The following NECAB1 variants were observed in gnomAD, a reference collection of about 807,000 sequenced individuals.
NECAB1 encodes the protein N-terminal EF-hand calcium binding protein 1.
Under a neutral mutation model 57.5 loss-of-function variants are expected in NECAB1, and 29 were observed. The ratio of observed to expected loss-of-function variants is 0.50; its 90% CI spans 0.38 to 0.69. The LOEUF is 0.69. Among genes scored for constraint, NECAB1 ranks in the 30% least tolerant of loss-of-function variants. The pLI is 0.00. For synonymous variants in NECAB1, 142 were observed against 147.7 expected (o/e 0.96, Z 0.28); for missense variants, 372 against 413.8 (o/e 0.90, Z 0.88).
At chr8:90,942,117 C>A (rs1810683846) in intron 10 of NECAB1, among the ~76,000 whole-genome samples, 1 of 152,148 alleles carries the variant, frequency 6.6e-6, no homozygotes. Context: ...AAGTCTGGCT[C>A]TGGAAATAAA....
chr8:90,954,708 TG>T (rs1810986848), intron 12 of NECAB1, among the ~76,000 whole-genome samples: 1 of 151,452 alleles, frequency 6.6e-6, no homozygotes, highest in African/African-American at 2.4e-5. Flanking sequence ...ATAACCTACT[TG>T]CTTATACCCA....
chr8:90,827,045 A>G (rs776868900), intron 3 of NECAB1, among the ~76,000 whole-genome samples: 2 of 151,998 alleles, frequency 1.3e-5, no homozygotes, highest in African/African-American at 2.4e-5. Context: ...TATCAGTGTC[A>G]GTCTTTGATC....
chr8:90,822,408 A>C (rs1586041263), intron 2 of NECAB1, among the ~76,000 whole-genome samples: 1 of 151,872 alleles, frequency 6.6e-6, no homozygotes, highest in East Asian at 1.9e-4. Context: ...AAGTGTGGCC[A>C]CCTAAAGTGA....
chr8:90,879,788 G>T (rs756783572), intron 4 of NECAB1, among the ~76,000 whole-genome samples: 13 of 152,140 alleles, frequency 8.5e-5, no homozygotes, highest in Non-Finnish European at 1.9e-4. Context: ...TTTGAAGCAG[G>T]TATTTAAGGA....
intron 6 of NECAB1, among the ~76,000 whole-genome samples, chr8:90,922,111 G>T (rs1810128358): frequency 6.6e-6 from 1 of 152,202 alleles, no homozygotes; most frequent in Admixed American, 6.5e-5. Flanking sequence ...CTAATGACAA[G>T]AATAATAAGT....
At chr8:90,937,639 A>G (rs536190434) in intron 9 of NECAB1, among the ~76,000 whole-genome samples, 192 of 152,326 alleles carry the variant, frequency 1.3e-3, no homozygotes, top group Non-Finnish European at 2.2e-3. Flanking sequence ...CTGGAGTAAG[A>G]TGATCATTTT....
chr8:90,806,208 G>A (rs1193359418), intron 2 of NECAB1, among the ~76,000 whole-genome samples: 1 of 152,122 alleles, frequency 6.6e-6, no homozygotes, highest in Admixed American at 6.5e-5. Context: ...TGGCACAATT[G>A]ATCCCTGTTT....
chr8:90,885,658 TA>T (rs2129909784), intron 5 of NECAB1, among the ~76,000 whole-genome samples: 2 of 152,330 alleles, frequency 1.3e-5, no homozygotes, highest in African/African-American at 4.8e-5. Context: ...ATCAATATCC[TA>T]AAGATAATGA....
intron 5 of NECAB1, among the ~76,000 whole-genome samples, chr8:90,906,205 G>A (rs1307172593): frequency 1.3e-5 from 2 of 152,112 alleles, no homozygotes; most frequent in Non-Finnish European, 2.9e-5. Flanking sequence ...CAGAACTGAG[G>A]TGAGTTAATC....
chr8:90,817,452 A>C (rs1196207421), intron 2 of NECAB1, among the ~76,000 whole-genome samples: 1 of 116,928 alleles, frequency 8.6e-6, no homozygotes, highest in Non-Finnish European at 1.6e-5. Flanking sequence ...TGTCAGCTAT[A>C]GATTTTTTTT....
chr8:90,928,200 C>G (rs1278669095), intron 7 of NECAB1, 23 bp from the exon 8 acceptor site: 2 of 1,566,496 alleles, frequency 1.3e-6, no homozygotes, highest in South Asian at 2.2e-5. Flanking sequence ...ACATATTGCC[C>G]TCATGATTCC....
chr8:90,955,142 A>ATG (rs1811007711), intron 12 of NECAB1, among the ~76,000 whole-genome samples: 1 of 127,202 alleles, frequency 7.9e-6, no homozygotes, highest in South Asian at 2.3e-4. Flanking sequence ...ATATATATAT[A>ATG]TATATATGGC....
At chr8:90,836,852 A>T (rs1283975810) in intron 3 of NECAB1, among the ~76,000 whole-genome samples, 1 of 152,232 alleles carries the variant, frequency 6.6e-6, no homozygotes, top group Admixed American at 6.5e-5. Flanking sequence ...TATGGGATGC[A>T]GACATACTGA....
intron 2 of NECAB1, among the ~76,000 whole-genome samples, chr8:90,817,713 A>G (rs1812081268): frequency 6.6e-6 from 1 of 151,656 alleles, no homozygotes. Context: ...TGATTTGCTA[A>G]TATTTTGTTG....
intron 3 of NECAB1, among the ~76,000 whole-genome samples, chr8:90,840,982 G>A (rs1812444598): frequency 1.3e-5 from 2 of 151,860 alleles, no homozygotes; most frequent in Admixed American, 1.3e-4. Flanking sequence ...CCAAAGCCGG[G>A]CGCAGTGGCT....
intron 9 of NECAB1, among the ~76,000 whole-genome samples, chr8:90,937,204 T>C (rs572578264): frequency 6.6e-6 from 1 of 152,280 alleles, no homozygotes; most frequent in East Asian, 1.9e-4. Flanking sequence ...AGCAAAAGCA[T>C]CTTTAATGTG....
rs200285838 is a variant in NECAB1 at position 90,834,156 on chromosome 8, CTG to C, written c.233+9335_233+9336del. Reference sequence around the variant, plus strand: ...CTCCAGCCTAAGAGACAGAGTGAAACTGTGTCTCAAAAAAAAAAAAAAAAAAA... The same window carrying C: ...CTCCAGCCTAAGAGACAGAGTGAAACTGTCTCAAAAAAAAAAAAAAAAAAA... On this transcript the variant is annotated intron_variant, in intron 3 of 12. Transcript: ENST00000417640. Among the ~76,000 whole-genome samples, 306 of 91,374 alleles carry C rather than the reference CTG, an allele frequency of 3.3e-3. 11 individuals carry two copies. The East Asian group carries it at 0.11, about 31-fold the overall frequency. The allele number at this position is 91,374 out of a possible 152,430, so 59.9% of individuals were successfully genotyped here.
chr8:90,805,162 T>C (rs1321294478), intron 2 of NECAB1, among the ~76,000 whole-genome samples: 5 of 152,212 alleles, frequency 3.3e-5, no homozygotes, highest in East Asian at 3.8e-4. Flanking sequence ...GATAATCTAA[T>C]GTAAATGAGA....
intron 5 of NECAB1, among the ~76,000 whole-genome samples, chr8:90,898,883 T>G (rs1278124811): frequency 2.0e-5 from 3 of 152,222 alleles, no homozygotes; most frequent in Non-Finnish European, 4.4e-5. Flanking sequence ...GATTCGTTCA[T>G]GTGGCACAAG....
Sources: gnomAD v4.1 joint callset for allele counts (sites outside exome capture counted in the v4.1 genomes callset) on GRCh38, gnomAD v4.1.1 for gene constraint, MANE v1.5 for transcripts, NCBI Gene and HGNC (gene_info 2026-07-23, HGNC 2026-07-21) for gene names.